The following CACNA2D4 variants were observed in gnomAD, a reference collection of about 807,000 sequenced individuals.
CACNA2D4 encodes calcium voltage-gated channel auxiliary subunit alpha2delta 4.
In CACNA2D4, 157 loss-of-function variants were observed where a neutral mutation model predicts 163.8. The observed-to-expected ratio is 0.96, with a 90% CI of 0.84 to 1.09. CACNA2D4 has a LOEUF of 1.09. Ranked by LOEUF, CACNA2D4 falls within the 50% of genes least tolerant of loss-of-function variation. The probability of loss-of-function intolerance (pLI) is 0.00; values close to 1 mark genes in which losing one functional copy is unlikely to be tolerated. For synonymous variants in CACNA2D4, 598 were observed against 586.9 expected, an observed-to-expected ratio of 1.02 and a Z score of -0.27; for missense variants, 1,410 against 1,479.9, an observed-to-expected ratio of 0.95 and a Z score of 0.78.
Position 1,810,570 on chromosome 12 carries a change from C to T in CACNA2D4, c.2631G>A (p.Gly877=). 1 of 1,553,610 alleles carries T rather than the reference C, an allele frequency of 6.4e-7. No individual in the cohort carries two copies. The highest frequency in any genetic ancestry group is 1.2e-5 in the South Asian group (1 of 84,180). The part of the protein sequence containing the change: ...AATRQCSTVD[G]PCTQSCEDSD... ...TGTCCTCGCAGCTCTGTGTGCACGG[C>T]CCATCCACAGTGCTGCACTGGAAGG... is the stretch of plus-strand genomic sequence containing the variant. The change falls in exon 28 of 38, where the codon GGG becomes GGA. Residue 877 remains glycine, a synonymous_variant. Coordinates refer to ENST00000382722, the MANE Select transcript of CACNA2D4 (RefSeq NM_172364.5).
chr12:1,907,678 A>G lies in CACNA2D4; in HGVS notation c.650-107T>C, dbSNP rs1008349110. On this transcript the variant is annotated intron_variant, in intron 5 of 37. Transcript: ENST00000382722. ...GCGTGTCTGGTGGGCGTGTCTGGTAAGCGTGCCTGGTGGGTGTGCCTGGTG... is the reference window on the plus strand; with the variant it reads ...GCGTGTCTGGTGGGCGTGTCTGGTAGGCGTGCCTGGTGGGTGTGCCTGGTG... 148 of 1,152,854 alleles carry G rather than the reference A, an allele frequency of 1.3e-4. 2 individuals carry two copies. The highest frequency in any genetic ancestry group is 6.5e-5 in the Admixed American group (3 of 46,424). The allele number at this position is 1,152,854 out of a possible 1,614,324, so 71.4% of individuals were successfully genotyped here. A position where few individuals can be genotyped will look rare whatever the true frequency, so the allele number is the denominator to read the frequency against.
chr12:1,804,698 G>A (rs1863462008), intron 29 of CACNA2D4, among the ~76,000 whole-genome samples: 2 of 152,246 alleles, frequency 1.3e-5, no homozygotes, highest in African/African-American at 4.8e-5. Flanking sequence ...AGAGCCGCTG[G>A]GAGGGACTTC....
At chr12:1,860,955 T>G (rs191399607) in intron 18 of CACNA2D4, among the ~76,000 whole-genome samples, 55 of 152,340 alleles carry the variant, frequency 3.6e-4, no homozygotes, top group African/African-American at 1.3e-3. Context: ...CACTTCGAGT[T>G]CTCATTTGTA....
chr12:1,841,378 T>C (rs1288358814), intron 25 of CACNA2D4, among the ~76,000 whole-genome samples: 1 of 152,214 alleles, frequency 6.6e-6, no homozygotes, highest in Non-Finnish European at 1.5e-5. Flanking sequence ...GCTCCACTTC[T>C]GGGACTCTGC....
intron 35 of CACNA2D4, 74 bp downstream of exon 35, chr12:1,797,344 C>A (rs1863160961): frequency 1.8e-6 from 2 of 1,117,866 alleles, no homozygotes. Context: ...GGTTCCGGGG[C>A]CCTGCCCGCA....
rs775844442 is a variant in CACNA2D4 at position 1,883,024 on chromosome 12, G to T, written c.1352-24C>A. On this transcript the variant is annotated intron_variant, in intron 12 of 37. Transcript: ENST00000382722. This position sits in a 1 kb window ranked among gnomAD's most constrained non-coding sequence, Gnocchi z 4.5. ...GCCTGCGGTGGGGAAGGCCGCGTGG[G>T]TGTGGAAGGCAGGGCTTCCCTGGGA... 1 of 1,606,106 alleles carries T rather than the reference G, an allele frequency of 6.2e-7. No individual in the cohort carries two copies. Among genetic ancestry groups the T allele is most frequent in the Non-Finnish European group, 8.5e-7 (1 of 1,176,098 alleles).
At position 1,887,181 on chromosome 12, in the gene CACNA2D4, A is replaced by C. The variant is rs564766952; in HGVS notation, c.782-112T>G. The C allele has an allele frequency of 1.1e-5, 8 of 724,494 alleles. 1 individual carries two copies. The highest frequency in any genetic ancestry group is 1.1e-4 in the South Asian group (7 of 64,980). 44.9% of individuals were successfully genotyped at this position (724,494 alleles called of 1,614,324 possible). A position where few individuals can be genotyped will look rare whatever the true frequency, so the allele number is the denominator to read the frequency against. Reference sequence around the variant, plus strand: ...GATCCCCAGGGCAGAACAGCTTTGGAGCTAGGGAACAGGGTGGGGAACACT... The same window carrying C: ...GATCCCCAGGGCAGAACAGCTTTGGCGCTAGGGAACAGGGTGGGGAACACT... On this transcript the variant is annotated intron_variant, in intron 6 of 37. Transcript: ENST00000382722.
At chr12:1,824,787 G>A (rs1358853134) in intron 26 of CACNA2D4, among the ~76,000 whole-genome samples, 1 of 152,176 alleles carries the variant, frequency 6.6e-6, no homozygotes, top group Non-Finnish European at 1.5e-5. Flanking sequence ...GGATGGAGGC[G>A]TGTTGGTAGG....
At chr12:1,817,760 G>C (rs1863926489) in intron 26 of CACNA2D4, among the ~76,000 whole-genome samples, 1 of 152,184 alleles carries the variant, frequency 6.6e-6, no homozygotes, top group Non-Finnish European at 1.5e-5. Context: ...TGCCGGGATT[G>C]CAGACGGAGT....
At chr12:1,871,427 G>C (rs567078844) in intron 18 of CACNA2D4, among the ~76,000 whole-genome samples, 3 of 147,274 alleles carry the variant, frequency 2.0e-5, no homozygotes, top group East Asian at 2.0e-4. Flanking sequence ...TGTGCCACTG[G>C]TGTGTGTACA....
chr12:1,839,701 T>C (rs986036558), intron 26 of CACNA2D4, among the ~76,000 whole-genome samples: 2 of 152,184 alleles, frequency 1.3e-5, no homozygotes, highest in African/African-American at 4.8e-5. Flanking sequence ...ACACACACAC[T>C]GAGCTCATGC....
At chr12:1,811,757 G>C in intron 26 of CACNA2D4, 34 bp from the exon 27 acceptor site, 1 of 1,550,598 alleles carries the variant, frequency 6.4e-7, no homozygotes, top group Non-Finnish European at 8.7e-7. Context: ...CAAGGCCAGG[G>C]AAGAGACGGG....
chr12:1,822,347 C>T (rs542557755), intron 26 of CACNA2D4, among the ~76,000 whole-genome samples: 27 of 152,154 alleles, frequency 1.8e-4, no homozygotes, highest in Admixed American at 1.2e-3. Context: ...TCTGGGAGTT[C>T]TGGGGGTGGG....
intron 26 of CACNA2D4, among the ~76,000 whole-genome samples, chr12:1,821,072 G>A (rs1864080095): frequency 6.6e-6 from 1 of 152,186 alleles, no homozygotes; most frequent in Non-Finnish European, 1.5e-5. Flanking sequence ...GTGGGGAGGA[G>A]GGCAGCGCTG....
rs573040674 is a variant in CACNA2D4 at position 1,817,618 on chromosome 12, C to T, written c.2552-5895G>A. 1.0e-3 allele frequency among the ~76,000 whole-genome samples: 153 copies of T among 152,010 alleles called. 1 individual carries two copies. Among genetic ancestry groups the T allele is most frequent in the Non-Finnish European group, 1.3e-3 (86 of 68,004 alleles). On this transcript the variant is annotated intron_variant, in intron 26 of 37. Coordinates refer to ENST00000382722, the MANE Select transcript of CACNA2D4 (RefSeq NM_172364.5). ...CCTGCCTCAGCCTGCCAAGTGCCTG[C>T]GATTGCAGGCGTGCGCCGCCACGCC...
At chr12:1,809,994 G>T (rs1415260816) in intron 29 of CACNA2D4, among the ~76,000 whole-genome samples, 1 of 152,218 alleles carries the variant, frequency 6.6e-6, no homozygotes, top group Non-Finnish European at 1.5e-5. Context: ...TGGGGTCACT[G>T]AGTGGCTCCT....
chr12:1,824,179 A>T (rs907791208), intron 26 of CACNA2D4, among the ~76,000 whole-genome samples: 1 of 152,176 alleles, frequency 6.6e-6, no homozygotes, highest in Non-Finnish European at 1.5e-5. Flanking sequence ...ACAGGCCAGC[A>T]TGGTCTCCTC....
chr12:1,816,401 T>C (rs1863872342), intron 26 of CACNA2D4, among the ~76,000 whole-genome samples: 1 of 152,164 alleles, frequency 6.6e-6, no homozygotes, highest in Admixed American at 6.5e-5. Flanking sequence ...GGAGGGCCTG[T>C]CATGACCTGA....
intron 6 of CACNA2D4, among the ~76,000 whole-genome samples, chr12:1,889,888 T>C (rs548146131): frequency 1.3e-4 from 20 of 152,280 alleles, no homozygotes; most frequent in Admixed American, 9.1e-4. Context: ...ACTTTCCTCC[T>C]CCACAAAGAA....
Sources: gnomAD v4.1 joint callset for allele counts (sites outside exome capture counted in the v4.1 genomes callset) on GRCh38, gnomAD v4.1.1 for gene constraint, Gnocchi (gnomAD v3.1) non-coding constraint, MANE v1.5 for transcripts, NCBI Gene and HGNC (gene_info 2026-07-23, HGNC 2026-07-21) for gene names.